Variants in ADK observed in about 807,000 individuals in gnomAD.
ADK encodes the protein N6,N6-dimethyladenosine kinase.
A neutral mutation model predicts 44.7 loss-of-function variants in ADK; 24 were observed. The ratio of observed to expected loss-of-function variants is 0.54; its 90% confidence interval spans 0.39 to 0.76. The LOEUF (loss-of-function observed/expected upper bound fraction) is 0.76. Among genes scored for constraint, ADK ranks in the 30% least tolerant of loss-of-function variants. The pLI is 0.00. For missense variants in ADK, 321 were observed against 425.1 expected, an observed-to-expected ratio of 0.76 and a Z score of 2.15; for synonymous variants, 128 against 142.6, an observed-to-expected ratio of 0.90 and a Z score of 0.73.
chr10:74,347,160 A>T (rs972811008), intron 4 of ADK, among the ~76,000 whole-genome samples: 1 of 146,630 alleles, frequency 6.8e-6, no homozygotes, highest in Non-Finnish European at 1.5e-5. Flanking sequence ...GAATAGGAAG[A>T]GCTCCAGTCT....
intron 9 of ADK, among the ~76,000 whole-genome samples, chr10:74,666,900 T>G (rs1185178362): frequency 6.6e-6 from 1 of 150,468 alleles, no homozygotes; most frequent in Non-Finnish European, 1.5e-5. Context: ...ACATGATCTC[T>G]GCTCACTGCA....
intron 4 of ADK, among the ~76,000 whole-genome samples, chr10:74,357,216 A>G (rs924987757): frequency 6.6e-6 from 1 of 152,092 alleles, no homozygotes; most frequent in African/African-American, 2.4e-5. Flanking sequence ...TTGTGTCCTT[A>G]TGTCATTGTG....
intron 10 of ADK, among the ~76,000 whole-genome samples, chr10:74,707,367 C>T (rs74790741): frequency 5.1e-4 from 78 of 152,136 alleles, no homozygotes; most frequent in African/African-American, 1.7e-3. Flanking sequence ...GTTCATTGCT[C>T]GTATGTATAA....
rs557582735 is a variant in ADK, at chr10:74,509,860, T to C, written c.556-15396T>C. On this transcript the variant is annotated intron_variant, in intron 6 of 10. Coordinates refer to ENST00000539909, the MANE Select transcript of ADK (RefSeq NM_006721.4). The stretch of plus-strand genomic sequence containing the variant: ...TGTTTAACTTTCTGTTCCTAACATT[T>C]CACTTAACATAATGTCCTCCAGTTT... 4.6e-5 allele frequency among the ~76,000 whole-genome samples: 7 copies of C among 152,350 alleles called. No homozygotes were observed. In the South Asian group the frequency reaches 1.5e-3, roughly 32 times the overall value.
intron 4 of ADK, among the ~76,000 whole-genome samples, chr10:74,316,169 G>A (rs767142211): frequency 6.6e-6 from 1 of 151,896 alleles, no homozygotes; most frequent in Non-Finnish European, 1.5e-5. Context: ...GAACCTGGGC[G>A]GTATAGGTTG....
At chr10:74,302,101 G>GTTTTTTTTT (rs1564642239) in intron 3 of ADK, among the ~76,000 whole-genome samples, 5 of 11,706 alleles carry the variant, frequency 4.3e-4, no homozygotes, top group Admixed American at 9.8e-4. Flanking sequence ...TTTTTTTTTT[G>GTTTTTTTTT]TTTGTTTGTT....
At chr10:74,541,502 G>A (rs1348403859) in intron 7 of ADK, among the ~76,000 whole-genome samples, 1 of 152,034 alleles carries the variant, frequency 6.6e-6, no homozygotes, top group Non-Finnish European at 1.5e-5. Flanking sequence ...TTATGACCAT[G>A]ACAATTTTGA....
chr10:74,502,724 A>T (rs1847924887), intron 6 of ADK, among the ~76,000 whole-genome samples: 1 of 152,162 alleles, frequency 6.6e-6, no homozygotes, highest in Non-Finnish European at 1.5e-5. Context: ...GAAACATTTG[A>T]GTCAGGTTGG....
At chr10:74,658,204 A>T (rs916768195) in intron 9 of ADK, among the ~76,000 whole-genome samples, 13 of 152,168 alleles carry the variant, frequency 8.5e-5, no homozygotes, top group African/African-American at 2.4e-4. Context: ...TCATATATTT[A>T]TTGAGCCCCT....
intron 8 of ADK, among the ~76,000 whole-genome samples, chr10:74,595,711 A>AAAC (rs1851896188): frequency 0.014 from 2 of 142 alleles, no homozygotes; most frequent in African/African-American, 0.025. Flanking sequence ...AATAGGCTAT[A>AAAC]TGGCCGGGTG....
chr10:74,333,900 T>A (rs1841319321), intron 4 of ADK, among the ~76,000 whole-genome samples: 2 of 152,086 alleles, frequency 1.3e-5, no homozygotes, highest in Admixed American at 6.5e-5. Context: ...CTGGGTATAT[T>A]TTTGTTTTTT....
At chr10:74,426,830 A>T (rs1157310682) in intron 6 of ADK, among the ~76,000 whole-genome samples, 1 of 151,990 alleles carries the variant, frequency 6.6e-6, no homozygotes, top group Non-Finnish European at 1.5e-5. Flanking sequence ...TCTGGGATAC[A>T]TGTGCAGAAT....
At chr10:74,196,644 G>A (rs183431444) in intron 1 of ADK, among the ~76,000 whole-genome samples, 17 of 152,194 alleles carry the variant, frequency 1.1e-4, no homozygotes, top group Admixed American at 8.5e-4. Flanking sequence ...GACAATTTAC[G>A]TCTGTCCCTA....
intron 3 of ADK, among the ~76,000 whole-genome samples, chr10:74,311,505 T>A (rs1840431546): frequency 6.6e-6 from 1 of 152,198 alleles, no homozygotes; most frequent in African/African-American, 2.4e-5. Flanking sequence ...TGCTAGAGCT[T>A]GTAGGCTCTG....
chr10:74,565,610 C>T (rs1416859190), intron 7 of ADK, among the ~76,000 whole-genome samples: 11 of 151,744 alleles, frequency 7.2e-5, no homozygotes, highest in Admixed American at 6.6e-4. Flanking sequence ...GCCTGTAATC[C>T]CAGCTACTGG....
intron 6 of ADK, among the ~76,000 whole-genome samples, chr10:74,524,059 C>T (rs1848945643): frequency 6.6e-6 from 1 of 152,198 alleles, no homozygotes; most frequent in Non-Finnish European, 1.5e-5. Flanking sequence ...CTTTTCAAGT[C>T]TCTATTATTG....
intron 6 of ADK, among the ~76,000 whole-genome samples, chr10:74,426,295 A>T (rs1229910657): frequency 2.6e-5 from 4 of 152,216 alleles, no homozygotes; most frequent in Admixed American, 2.0e-4. Flanking sequence ...TTGCATTTGG[A>T]AATAATTTTG....
At chr10:74,221,547 G>C (rs955085425) in intron 2 of ADK, among the ~76,000 whole-genome samples, 3 of 151,292 alleles carry the variant, frequency 2.0e-5, no homozygotes, top group African/African-American at 7.3e-5. Context: ...AACCAAAAAA[G>C]AGCTCACATC....
chr10:74,531,946 C>T (rs999765667), intron 7 of ADK, among the ~76,000 whole-genome samples: 2 of 152,174 alleles, frequency 1.3e-5, no homozygotes, highest in African/African-American at 4.8e-5. Context: ...GTCAGCATTA[C>T]CTTCATACCA....
Sources: allele counts gnomAD v4.1 joint callset (sites outside exome capture counted in the v4.1 genomes callset), GRCh38; gene constraint gnomAD v4.1.1; transcripts MANE v1.5; gene names NCBI Gene and HGNC (gene_info 2026-07-23, HGNC 2026-07-21).